The following NRG1 variants were observed in gnomAD, a reference collection of about 807,000 sequenced individuals.
NRG1 encodes the protein pro-neuregulin-1, membrane-bound isoform.
Under a neutral mutation model 63.8 loss-of-function variants are expected in NRG1, and 18 were observed. That is an observed-to-expected ratio of 0.28 (90% confidence interval 0.19 to 0.42). The LOEUF (loss-of-function observed/expected upper bound fraction) is 0.42, where lower values mean the gene tolerates loss of function less well. Ranked by LOEUF, NRG1 falls within the 10% of genes least tolerant of loss-of-function variation. The pLI, the probability that NRG1 is intolerant of heterozygous loss-of-function variation, is 1.00. For missense variants in NRG1, 762 were observed against 814.7 expected (o/e 0.94, Z 0.79); for synonymous variants, 302 against 301.3 (o/e 1.00, Z -0.02).
intron 1 of NRG1, among the ~76,000 whole-genome samples, chr8:32,014,090 A>C (rs1418495721): frequency 6.6e-6 from 1 of 152,218 alleles, no homozygotes; most frequent in African/African-American, 2.4e-5. Flanking sequence ...TTCTGTGAAG[A>C]AAGTCAATGG....
chr8:32,219,954 A>T (rs1453104800), intron 1 of NRG1, among the ~76,000 whole-genome samples: 1 of 152,144 alleles, frequency 6.6e-6, no homozygotes, highest in African/African-American at 2.4e-5. Context: ...GCGTTCTGAG[A>T]TCACCAAGAA....
At chr8:31,824,931 C>T (rs1160127158) in intron 1 of NRG1, among the ~76,000 whole-genome samples, 1 of 152,022 alleles carries the variant, frequency 6.6e-6, no homozygotes, top group Non-Finnish European at 1.5e-5. Context: ...GAAAAATAAC[C>T]ACATAACGGG....
intron 6 of NRG1, among the ~76,000 whole-genome samples, chr8:32,739,331 G>A (rs1278635246): frequency 4.6e-5 from 7 of 152,114 alleles, no homozygotes; most frequent in South Asian, 2.1e-4. Flanking sequence ...ACACTCCTAG[G>A]AAATGCTGAT....
chr8:32,468,675 C>T (rs1389067262), intron 1 of NRG1, among the ~76,000 whole-genome samples: 1 of 151,044 alleles, frequency 6.6e-6, no homozygotes, highest in South Asian at 2.1e-4. Flanking sequence ...TGAGCTGTCA[C>T]TAATTAGTAT....
At chr8:31,915,912 A>G (rs1371856613) in intron 1 of NRG1, among the ~76,000 whole-genome samples, 1 of 152,144 alleles carries the variant, frequency 6.6e-6, no homozygotes, top group Non-Finnish European at 1.5e-5. Flanking sequence ...GTTAAAGAGT[A>G]AAGATGTTTT....
intron 5 of NRG1, among the ~76,000 whole-genome samples, chr8:32,722,635 G>A (rs2129004918): frequency 6.6e-6 from 1 of 152,190 alleles, no homozygotes; most frequent in East Asian, 1.9e-4. Flanking sequence ...CTATGGATAT[G>A]ACACTATTTT....
At chr8:32,755,575 G>A (rs1470430817) in intron 8 of NRG1, among the ~76,000 whole-genome samples, 2 of 152,088 alleles carry the variant, frequency 1.3e-5, no homozygotes, top group Non-Finnish European at 2.9e-5. Flanking sequence ...ACCAGAGTAG[G>A]AACATGTTAC....
chr8:31,847,592 T>C (rs1431683655), intron 1 of NRG1, among the ~76,000 whole-genome samples: 1 of 152,240 alleles, frequency 6.6e-6, no homozygotes, highest in Non-Finnish European at 1.5e-5. Flanking sequence ...TCTTTGCTCA[T>C]GTCACTACCT....
chr8:32,667,053 A>G lies in NRG1; in HGVS notation c.502+50168A>G, dbSNP rs138799645. On this transcript the variant is annotated intron_variant, in intron 5 of 11. Coordinates refer to ENST00000356819, the Ensembl canonical transcript of NRG1. ...CGTCATTGGACCATTTCATCGCTGT[A>G]CGAACATCATAGAGTGACTTAACAC... Among the ~76,000 whole-genome samples, 166 of 152,324 alleles carry G rather than the reference A, an allele frequency of 1.1e-3. 4 individuals carry two copies. The East Asian group carries it at 0.026, about 24-fold the overall frequency.
chr8:32,239,173 C>A (rs1847859111), intron 1 of NRG1, among the ~76,000 whole-genome samples: 1 of 151,170 alleles, frequency 6.6e-6, no homozygotes, highest in Non-Finnish European at 1.5e-5. Flanking sequence ...TTAAAAAGCT[C>A]AATCTAAAAA....
intron 1 of NRG1, among the ~76,000 whole-genome samples, chr8:31,879,749 CTTCT>C (rs1303075535): frequency 6.6e-6 from 1 of 152,088 alleles, no homozygotes; most frequent in Non-Finnish European, 1.5e-5. Flanking sequence ...CTGTTGTTTC[CTTCT>C]TTGTGTTCCT....
At chr8:32,453,470 G>A (rs1461934140) in intron 1 of NRG1, among the ~76,000 whole-genome samples, 7 of 152,160 alleles carry the variant, frequency 4.6e-5, no homozygotes, top group Non-Finnish European at 7.3e-5. Flanking sequence ...TCACCTCTGC[G>A]TGTGTAAACA....
At chr8:31,876,511 G>A (rs1228917250) in intron 1 of NRG1, among the ~76,000 whole-genome samples, 3 of 152,256 alleles carry the variant, frequency 2.0e-5, no homozygotes, top group East Asian at 3.9e-4. Flanking sequence ...TGAATAAAAA[G>A]TTTGCTGGTT....
At chr8:31,850,222 G>T (rs1466672305) in intron 1 of NRG1, among the ~76,000 whole-genome samples, 1 of 152,130 alleles carries the variant, frequency 6.6e-6, no homozygotes, top group African/African-American at 2.4e-5. Flanking sequence ...GGGTAATAAG[G>T]TGTGATCTGA....
intron 1 of NRG1, among the ~76,000 whole-genome samples, chr8:32,057,300 A>G (rs530497974): frequency 6.6e-6 from 1 of 152,100 alleles, no homozygotes; most frequent in Non-Finnish European, 1.5e-5. Flanking sequence ...TTGGTCAGCT[A>G]TTGCTTTTCT....
At chr8:31,639,426 C>A in exon 1 of NRG1, 1 of 1,534,930 alleles carries the variant, frequency 6.5e-7, no homozygotes, top group Non-Finnish European at 8.7e-7. Flanking sequence ...CGAGTTGGCA[C>A]CACAGGTAAA....
At chr8:32,220,284 A>G (rs1426296013) in intron 1 of NRG1, among the ~76,000 whole-genome samples, 1 of 152,188 alleles carries the variant, frequency 6.6e-6, no homozygotes, top group Admixed American at 6.5e-5. Flanking sequence ...GCTCTTGCTC[A>G]GGAGTCTTTA....
chr8:32,311,190 CT>C (rs550997587), intron 1 of NRG1, among the ~76,000 whole-genome samples: 4 of 152,276 alleles, frequency 2.6e-5, no homozygotes, highest in Admixed American at 2.6e-4. Flanking sequence ...GTTCCAGGCA[CT>C]GTTTTAGGGA....
At chr8:31,824,737 G>T (rs957325190) in intron 1 of NRG1, among the ~76,000 whole-genome samples, 5 of 152,204 alleles carry the variant, frequency 3.3e-5, no homozygotes, top group African/African-American at 1.2e-4. Context: ...TGTGTAATAA[G>T]AAACAAAGCG....
Sources: allele counts gnomAD v4.1 joint callset (sites outside exome capture counted in the v4.1 genomes callset), GRCh38; gene constraint gnomAD v4.1.1; transcripts MANE v1.5; gene names NCBI Gene and HGNC (gene_info 2026-07-23, HGNC 2026-07-21).